ANKRD52: variants seen among roughly 807,000 people sequenced by gnomAD.
ANKRD52 encodes ankyrin repeat domain 52, also known as serine/threonine-protein phosphatase 6 regulatory ankyrin repeat subunit C.
A neutral mutation model predicts 116.0 loss-of-function variants in ANKRD52; 7 were observed. That is an observed-to-expected ratio of 0.06 (90% CI 0.03 to 0.11). The LOEUF is 0.11. ANKRD52 is among the 10% of genes least tolerant of loss of function. The probability of loss-of-function intolerance (pLI) is 1.00; values close to 1 mark genes in which losing one functional copy is unlikely to be tolerated. For synonymous variants in ANKRD52, 528 were observed against 578.1 expected, an observed-to-expected ratio of 0.91 and a Z score of 1.24; for missense variants, 839 against 1,408.6, an observed-to-expected ratio of 0.60 and a Z score of 6.47.
At position 56,246,876 on chromosome 12, in the gene ANKRD52, C is replaced by T. The variant is rs925723921; in HGVS notation, c.2184+617G>A. Among the ~76,000 whole-genome samples the T allele has an allele frequency of 1.5e-4, 22 of 149,980 alleles. No homozygotes were observed. In the South Asian group the frequency reaches 3.6e-3, roughly 24 times the overall value. On this transcript the variant is annotated intron_variant, in intron 20 of 27. Coordinates refer to ENST00000267116, the MANE Select transcript of ANKRD52 (RefSeq NM_173595.4). Reference sequence around the variant, plus strand: ...CGGAGGTTGCAGTGAGCCGAGATCACGCCACTGCACTCCAGCCTGGGTGAC... The same window carrying T: ...CGGAGGTTGCAGTGAGCCGAGATCATGCCACTGCACTCCAGCCTGGGTGAC...
rs1871520673 is a variant in ANKRD52, at chr12:56,248,364, C to G, written c.1776+131G>C. 7.1e-7 allele frequency: 1 copy of G among 1,402,566 alleles called. No individual in the cohort carries two copies. The highest frequency in any genetic ancestry group is 1.9e-5 in the Admixed American group (1 of 51,904). 86.9% of individuals were successfully genotyped at this position (1,402,566 alleles called of 1,614,324 possible). Reference sequence around the variant, plus strand: ...CCTTGGGCCCCTTAAGGCTTCCTACCCTGCACTGTGCTTATCCCCTCTCCC... The same window carrying G: ...CCTTGGGCCCCTTAAGGCTTCCTACGCTGCACTGTGCTTATCCCCTCTCCC... On this transcript the variant is annotated intron_variant, in intron 17 of 27. Transcript: ENST00000267116. This position sits in a 1 kb window ranked among gnomAD's most constrained non-coding sequence, Gnocchi z 5.1.
At chr12:56,257,804 C>G (rs1872029655) in intron 2 of ANKRD52, 24 bp downstream of exon 2, 1 of 1,610,178 alleles carries the variant, frequency 6.2e-7, no homozygotes, top group African/African-American at 1.3e-5. Flanking sequence ...TCCGGTCTCG[C>G]CATCCTCCCT....
rs759571081 is a variant in ANKRD52 at position 56,254,661 on chromosome 12, G to A, written c.610C>T (p.Arg204Cys). The A allele has an allele frequency of 1.2e-5, 19 of 1,613,588 alleles. No homozygotes were observed. Among genetic ancestry groups the A allele is most frequent in the Middle Eastern group, 1.6e-4 (1 of 6,082 alleles). ...ARGADLGCKD[R>C]KGYGLLHTAA... ...GTATGGAGCAGCCCATAGCCCTTGC[G>A]GTCCTTGCAGCCGAGGTCTGCTCCC... The change falls in exon 7 of 28, where the codon CGC becomes TGC. Residue 204 changes from arginine to cysteine, a missense_variant. Arg to Cys is a radical substitution (Grantham distance 180). Around this residue, in one of 2 missense-constraint regions of ANKRD52, gnomAD observed 287 missense variants for 598.1 expected, o/e 0.48. Transcript: ENST00000267116. The surrounding 1 kb of genome is among the most constrained non-coding windows in gnomAD (Gnocchi z 4.6).
chr12:56,252,766 GAA>G lies in ANKRD52; in HGVS notation c.1301+12_1301+13del. Reference sequence around the variant, plus strand: ...CTCCCTGCTCAAAGCATGGGAGAGAGAAAGAGAACTCACCCTCCGGAAGCAGC... The same window carrying G: ...CTCCCTGCTCAAAGCATGGGAGAGAGAGAGAACTCACCCTCCGGAAGCAGC... On this transcript the variant is annotated intron_variant, in intron 12 of 27. Coordinates refer to ENST00000267116, the MANE Select transcript of ANKRD52 (RefSeq NM_173595.4). The surrounding 1 kb of genome is among the most constrained non-coding windows in gnomAD (Gnocchi z 4.7). 1.2e-6 allele frequency: 2 copies of G among 1,611,668 alleles called. No individual in the cohort carries two copies. Among genetic ancestry groups the G allele is most frequent in the Non-Finnish European group, 1.7e-6 (2 of 1,178,484 alleles).
Position 56,254,551 on chromosome 12 carries a change from C to T in ANKRD52, c.693+27G>A. On this transcript the variant is annotated intron_variant, in intron 7 of 27. Coordinates refer to ENST00000267116, the MANE Select transcript of ANKRD52 (RefSeq NM_173595.4). This position sits in a 1 kb window ranked among gnomAD's most constrained non-coding sequence, Gnocchi z 4.6. ...AATCTCCTACTTGCTGCCCATAGTT[C>T]CCAACCCCAGAGCTCAAAGCCCTGA... 1 of 1,608,632 alleles carries T rather than the reference C, an allele frequency of 6.2e-7. No homozygotes were observed. Among genetic ancestry groups the T allele is most frequent in the Admixed American group, 1.7e-5 (1 of 59,020 alleles).
chr12:56,245,389 C>A lies in ANKRD52; in HGVS notation c.2392G>T (p.Ala798Ser). ...DYSGYSPMHW[A>S]SYTGHEDCLE... ...CCCAGTCTAGTACCAGTGTAGGAGG[C>A]CCAGTGCATGGGCGAGTATCCGCTG... Residue 798 changes from alanine (A) to serine (S), a missense_variant, in exon 21 of 28, where the codon GCC becomes TCC. By Grantham distance (99) the Ala-to-Ser change is moderately conservative. Coordinates refer to ENST00000267116, the MANE Select transcript of ANKRD52 (RefSeq NM_173595.4). 6.2e-7 allele frequency: 1 copy of A among 1,611,646 alleles called. No homozygotes were observed. The highest frequency in any genetic ancestry group is 1.1e-5 in the South Asian group (1 of 90,830).
Position 56,257,293 on chromosome 12 carries a change from T to G in ANKRD52, c.180A>C (p.Leu60=). 6.3e-7 allele frequency: 1 copy of G among 1,595,884 alleles called. No individual in the cohort carries two copies. The highest frequency in any genetic ancestry group is 8.5e-7 in the Non-Finnish European group (1 of 1,171,208). The change falls in exon 3 of 28, where the codon CTA becomes CTC. Residue 60 remains leucine (L), a synonymous_variant. Coordinates refer to ENST00000267116, the MANE Select transcript of ANKRD52 (RefSeq NM_173595.4). ...GCTCCCCACTTTCACCTGACATCAG[T>G]AGCAACTGGAGGATGGGGACATCGC... ...YVGDVPILQL[L]LMSGANVNAK... is the part of the protein sequence containing the mutation.
intron 18 of ANKRD52, 71 bp downstream of exon 18, chr12:56,247,952 C>A: frequency 6.8e-7 from 1 of 1,481,260 alleles, no homozygotes; most frequent in Admixed American, 2.0e-5. Context: ...ACTCCACTTT[C>A]CAGCCCCATT....
In ANKRD52 at chr12:56,257,820, C is replaced by T. The variant is rs1872030785; in HGVS notation, c.111+8G>A. The T allele has an allele frequency of 6.2e-7, 1 of 1,613,390 alleles. No individual in the cohort carries two copies. Among genetic ancestry groups the T allele is most frequent in the Non-Finnish European group, 8.5e-7 (1 of 1,179,726 alleles). On this transcript the variant is annotated splice_region_variant and intron_variant, in intron 2 of 27. Coordinates refer to ENST00000267116, the MANE Select transcript of ANKRD52 (RefSeq NM_173595.4). ...CCGGTCTCGCCATCCTCCCTGCTCC[C>T]AACTCACCAGCACATTGATGTTCTC...
rs1447821333 is a variant in ANKRD52 at position 56,239,751 on chromosome 12, C to T, written c.*3391G>A. Reference sequence around the variant, plus strand: ...CCGTTCACTCTGGCCCCATCCACCCCACCTCCAGCCTCTTCTCCCCTTCTA... The same window carrying T: ...CCGTTCACTCTGGCCCCATCCACCCTACCTCCAGCCTCTTCTCCCCTTCTA... On this transcript the variant is annotated 3_prime_UTR_variant, in exon 28 of 28. Coordinates refer to ENST00000267116, the MANE Select transcript of ANKRD52 (RefSeq NM_173595.4). 6.6e-6 allele frequency: 1 copy of T among 152,294 alleles called. No individual in the cohort carries two copies. The highest frequency in any genetic ancestry group is 2.4e-5 in the African/African-American group (1 of 41,458). 9.4% of individuals were successfully genotyped at this position (152,294 alleles called of 1,614,324 possible).
chr12:56,245,204 A>C lies in ANKRD52; in HGVS notation c.2405-14T>G, dbSNP rs1241890731. On this transcript the variant is annotated splice_polypyrimidine_tract_variant and intron_variant, in intron 21 of 27. Coordinates refer to ENST00000267116, the MANE Select transcript of ANKRD52 (RefSeq NM_173595.4). Reference sequence around the variant, plus strand: ...AATCTTCATGTCCTGGGCACGAGGAAGGAAGAGTAGTGATGGAGAAAAACG... The same window carrying C: ...AATCTTCATGTCCTGGGCACGAGGACGGAAGAGTAGTGATGGAGAAAAACG... The C allele has an allele frequency of 1.9e-6, 3 of 1,613,518 alleles. No individual in the cohort carries two copies. In the African/African-American group the frequency reaches 4.0e-5, roughly 22 times the overall value.
Position 56,244,776 on chromosome 12 carries a change from G to C in ANKRD52, c.2598C>G (p.Ala866=), listed in dbSNP as rs781143651. The change falls in exon 24 of 28, where the codon GCC becomes GCG. Residue 866 remains alanine, a synonymous_variant. Coordinates refer to ENST00000267116, the MANE Select transcript of ANKRD52 (RefSeq NM_173595.4). The surrounding 1 kb of genome is among the most constrained non-coding windows in gnomAD (Gnocchi z 4.9). ...AKGRTPLHAA[A]FADNVSGLRM... ...GGAGCCCAGAGACATTGTCCGCGAA[G>C]GCAGCGGCGTGAAGGGGGGTCCTGT... is the stretch of plus-strand genomic sequence containing the variant. 1 of 1,613,850 alleles carries C rather than the reference G, an allele frequency of 6.2e-7. No individual in the cohort carries two copies.
rs1871126102 is a variant in ANKRD52 at position 56,240,634 on chromosome 12, G to A, written c.*2508C>T. 6.6e-6 allele frequency: 1 copy of A among 152,176 alleles called. No individual in the cohort carries two copies. The highest frequency in any genetic ancestry group is 1.5e-5 in the Non-Finnish European group (1 of 68,024). 9.4% of individuals were successfully genotyped at this position (152,176 alleles called of 1,614,324 possible). A position where few individuals can be genotyped will look rare whatever the true frequency, so the allele number is the denominator to read the frequency against. On this transcript the variant is annotated 3_prime_UTR_variant, in exon 28 of 28. Coordinates refer to ENST00000267116, the MANE Select transcript of ANKRD52 (RefSeq NM_173595.4). The surrounding 1 kb of genome is among the most constrained non-coding windows in gnomAD (Gnocchi z 4.2). ...TAAAATAAATATGCAGTGGCCATGAGAATGGTCAAAATGCTTCAAAAAACA... is the reference window on the plus strand; with the variant it reads ...TAAAATAAATATGCAGTGGCCATGAAAATGGTCAAAATGCTTCAAAAAACA...
intron 20 of ANKRD52, among the ~76,000 whole-genome samples, chr12:56,246,053 G>A (rs762287778): frequency 2.2e-4 from 33 of 149,732 alleles, no homozygotes; most frequent in Non-Finnish European, 4.1e-4. Flanking sequence ...TTTTTGAGAC[G>A]GAGTCTCACT....
At chr12:56,257,944 T>G in intron 1 of ANKRD52, 33 bp from the exon 2 acceptor site, 1 of 1,200,842 alleles carries the variant, frequency 8.3e-7, no homozygotes, top group Non-Finnish European at 1.1e-6. Context: ...GAGAGCGGGC[T>G]GGAGCCGGAG....
At chr12:56,256,896 C>T in intron 4 of ANKRD52, 119 bp downstream of exon 4, 1 of 1,128,736 alleles carries the variant, frequency 8.9e-7, no homozygotes, top group Non-Finnish European at 1.2e-6. Context: ...GATTTGATCT[C>T]CTCACTACCT....
chr12:56,248,574 G>C lies in ANKRD52; in HGVS notation c.1705-8C>G. ...AAAGGACATTTCTAAGAGCTGCAAA[G>C]GACAGGAAAGTAGGTGCTGAGACTC... On this transcript the variant is annotated splice_polypyrimidine_tract_variant and splice_region_variant and intron_variant, in intron 16 of 27. Transcript: ENST00000267116. The surrounding 1 kb of genome is among the most constrained non-coding windows in gnomAD (Gnocchi z 5.1). The C allele has an allele frequency of 6.3e-7, 1 of 1,583,818 alleles. No individual in the cohort carries two copies. Among genetic ancestry groups the C allele is most frequent in the Non-Finnish European group, 8.6e-7 (1 of 1,165,090 alleles).
At position 56,241,607 on chromosome 12, in the gene ANKRD52, T is replaced by C. The variant is rs111887898; in HGVS notation, c.*1535A>G. 2 of 185,912 alleles carry C rather than the reference T, an allele frequency of 1.1e-5. No homozygotes were observed. Among genetic ancestry groups the C allele is most frequent in the Admixed American group, 1.2e-4 (2 of 16,194 alleles). The allele number at this position is 185,912 out of a possible 1,614,324, so 11.5% of individuals were successfully genotyped here. ...GGGACAATACTGATGGCAGCCAAAC[T>C]GGGCAAGGATGCAGTGTGGGGGCGG... On this transcript the variant is annotated 3_prime_UTR_variant, in exon 28 of 28. Coordinates refer to ENST00000267116, the MANE Select transcript of ANKRD52 (RefSeq NM_173595.4).
In ANKRD52 at chr12:56,255,153, A is replaced by G. The variant is rs1871886867; in HGVS notation, c.463-201T>C. On this transcript the variant is annotated intron_variant, in intron 5 of 27. Coordinates refer to ENST00000267116, the MANE Select transcript of ANKRD52 (RefSeq NM_173595.4). The surrounding 1 kb of genome is among the most constrained non-coding windows in gnomAD (Gnocchi z 4.3). ...GGAGAGATTTGGAACTTTAAGGGAA[A>G]CAAGAGAGTCTCTTCAGGTGATCTG... is the stretch of plus-strand genomic sequence containing the variant. The G allele has an allele frequency of 3.8e-6, 2 of 529,886 alleles. No individual in the cohort carries two copies. Among genetic ancestry groups the G allele is most frequent in the African/African-American group, 1.9e-5 (1 of 53,092 alleles). 32.8% of individuals were successfully genotyped at this position (529,886 alleles called of 1,614,324 possible).
Sources: gnomAD v4.1 joint callset for allele counts (sites outside exome capture counted in the v4.1 genomes callset) on GRCh38, gnomAD v4.1.1 for gene constraint, gnomAD v4.1.1 regional missense constraint, Gnocchi (gnomAD v3.1) non-coding constraint, MANE v1.5 for transcripts, NCBI Gene and HGNC (gene_info 2026-07-23, HGNC 2026-07-21) for gene names.